Variants in CTNND2 observed in about 807,000 individuals in gnomAD.
CTNND2 encodes catenin delta-2.
Under a neutral mutation model 144.4 loss-of-function variants are expected in CTNND2, and 22 were observed. The observed-to-expected ratio is 0.15, with a 90% CI of 0.11 to 0.22. The LOEUF is 0.22. CTNND2 is among the 10% of genes least tolerant of loss of function. CTNND2 has a pLI of 1.00. For synonymous variants in CTNND2, 751 were observed against 695.6 expected (o/e 1.08, Z -1.25); for missense variants, 1,353 against 1,618.8 (o/e 0.84, Z 2.82).
intron 18 of CTNND2, among the ~76,000 whole-genome samples, chr5:11,004,609 C>T (rs972241396): frequency 6.6e-6 from 1 of 151,854 alleles, no homozygotes; most frequent in Non-Finnish European, 1.5e-5. Flanking sequence ...ACTAAAAGTA[C>T]AAAATTAGCT....
intron 3 of CTNND2, among the ~76,000 whole-genome samples, chr5:11,515,534 C>T (rs1361307339): frequency 1.3e-5 from 2 of 152,124 alleles, no homozygotes; most frequent in African/African-American, 2.4e-5. Flanking sequence ...CAAGTTATAA[C>T]ATATTCTATA....
At chr5:11,520,412 G>A (rs1772618824) in intron 3 of CTNND2, among the ~76,000 whole-genome samples, 2 of 152,206 alleles carry the variant, frequency 1.3e-5, no homozygotes, top group African/African-American at 4.8e-5. Context: ...TTCCACAGAT[G>A]AACTAGGTCA....
intron 9 of CTNND2, among the ~76,000 whole-genome samples, chr5:11,260,142 A>G (rs1744711116): frequency 6.6e-6 from 1 of 152,194 alleles, no homozygotes; most frequent in Non-Finnish European, 1.5e-5. Context: ...TGATGGAGAT[A>G]GGAAGGAGGA....
chr5:11,162,420 C>T (rs565405588), intron 11 of CTNND2, among the ~76,000 whole-genome samples: 4 of 152,298 alleles, frequency 2.6e-5, no homozygotes, highest in African/African-American at 7.2e-5. Context: ...ATCTCCTTCA[C>T]TTTTCCTTAA....
chr5:10,985,636 T>C (rs1489702827), intron 20 of CTNND2, among the ~76,000 whole-genome samples: 1 of 152,242 alleles, frequency 6.6e-6, no homozygotes, highest in Non-Finnish European at 1.5e-5. Flanking sequence ...ACAAGGAAGA[T>C]GGCAGTTTTT....
chr5:11,809,365 C>T (rs564745632), intron 1 of CTNND2, among the ~76,000 whole-genome samples: 1 of 152,232 alleles, frequency 6.6e-6, no homozygotes, highest in South Asian at 2.1e-4. Flanking sequence ...ATGCATGTAG[C>T]AATACATTGG....
At chr5:10,992,487 G>T in intron 19 of CTNND2, 64 bp downstream of exon 19, 1 of 1,609,318 alleles carries the variant, frequency 6.2e-7, no homozygotes, top group Non-Finnish European at 8.5e-7. Flanking sequence ...CTCACGGACT[G>T]GGAAGGACCG....
chr5:11,147,607 A>G (rs1757362255), intron 12 of CTNND2, among the ~76,000 whole-genome samples: 1 of 151,890 alleles, frequency 6.6e-6, no homozygotes, highest in East Asian at 1.9e-4. Context: ...CCTTTCTCCT[A>G]AGGACTCAAG....
At chr5:11,425,128 A>G (rs758494040) in intron 3 of CTNND2, among the ~76,000 whole-genome samples, 32 of 152,368 alleles carry the variant, frequency 2.1e-4, no homozygotes, top group Non-Finnish European at 3.7e-4. Context: ...CTCAGGGAAA[A>G]TTAAAAATGA....
At chr5:11,096,925 T>C (rs1374729562) in intron 15 of CTNND2, among the ~76,000 whole-genome samples, 1 of 152,112 alleles carries the variant, frequency 6.6e-6, no homozygotes, top group Non-Finnish European at 1.5e-5. Context: ...CCTGTACCCA[T>C]CTAGTTAGTG....
At chr5:11,426,035 T>C (rs1197770854) in intron 3 of CTNND2, among the ~76,000 whole-genome samples, 2 of 152,274 alleles carry the variant, frequency 1.3e-5, no homozygotes, top group East Asian at 3.9e-4. Context: ...AATCCTTTTT[T>C]TCCCCTGATG....
At chr5:11,269,800 C>A (rs1745809912) in intron 9 of CTNND2, among the ~76,000 whole-genome samples, 1 of 152,074 alleles carries the variant, frequency 6.6e-6, no homozygotes. Context: ...TCAGAATATG[C>A]AGGACATCAT....
intron 1 of CTNND2, among the ~76,000 whole-genome samples, chr5:11,874,639 T>A (rs1038530090): frequency 6.6e-6 from 1 of 152,136 alleles, no homozygotes; most frequent in East Asian, 1.9e-4. Context: ...ATTTACATCC[T>A]AGGTGGGAAG....
At chr5:11,517,152 T>C (rs1449273957) in intron 3 of CTNND2, among the ~76,000 whole-genome samples, 1 of 152,234 alleles carries the variant, frequency 6.6e-6, no homozygotes, top group Non-Finnish European at 1.5e-5. Flanking sequence ...TACACACTGC[T>C]AAATACCAAG....
intron 1 of CTNND2, among the ~76,000 whole-genome samples, chr5:11,855,970 T>C (rs1324071315): frequency 6.6e-6 from 1 of 152,242 alleles, no homozygotes; most frequent in Non-Finnish European, 1.5e-5. Context: ...TTATAAAGTG[T>C]GGTTGCAAGA....
At chr5:10,999,800 T>A (rs1046224085) in intron 18 of CTNND2, among the ~76,000 whole-genome samples, 2 of 152,240 alleles carry the variant, frequency 1.3e-5, no homozygotes, top group Non-Finnish European at 2.9e-5. Flanking sequence ...AACAATCTGA[T>A]GTTCTTTATC....
chr5:11,229,584 G>A (rs1740748395), intron 10 of CTNND2, among the ~76,000 whole-genome samples: 1 of 151,752 alleles, frequency 6.6e-6, no homozygotes, highest in African/African-American at 2.4e-5. Context: ...TATGCCACTT[G>A]AAAATGTGCA....
intron 10 of CTNND2, among the ~76,000 whole-genome samples, chr5:11,204,112 C>G (rs1228625944): frequency 6.6e-6 from 1 of 152,190 alleles, no homozygotes; most frequent in Non-Finnish European, 1.5e-5. Flanking sequence ...CGAGAGTAAT[C>G]TACAAGGAGT....
chr5:11,821,518 A>C (rs1210163378), intron 1 of CTNND2, among the ~76,000 whole-genome samples: 1 of 152,202 alleles, frequency 6.6e-6, no homozygotes, highest in African/African-American at 2.4e-5. Flanking sequence ...CTTCATGAAG[A>C]ATAAAATAGC....
Sources: allele counts gnomAD v4.1 joint callset (sites outside exome capture counted in the v4.1 genomes callset), GRCh38; gene constraint gnomAD v4.1.1; transcripts MANE v1.5; gene names NCBI Gene and HGNC (gene_info 2026-07-23, HGNC 2026-07-21).